Variants in UBE2V1 observed in about 807,000 individuals in gnomAD.
UBE2V1 encodes the protein ubiquitin-conjugating enzyme E2 variant 1.
UBE2V1 carries 15 observed loss-of-function variants against 19.6 expected under a neutral mutation model. That is an observed-to-expected ratio of 0.77 (90% CI 0.51 to 1.18). UBE2V1 has a LOEUF of 1.18. UBE2V1 is among the 50% of genes most tolerant of loss of function. The pLI, the probability that UBE2V1 is intolerant of heterozygous loss-of-function variation, is 0.00. For synonymous variants in UBE2V1, 60 were observed against 60.7 expected, an observed-to-expected ratio of 0.99 and a Z score of 0.05; for missense variants, 125 against 184.8, an observed-to-expected ratio of 0.68 and a Z score of 1.88.
intron 1 of UBE2V1, among the ~76,000 whole-genome samples, chr20:50,110,735 T>G (rs1038785912): frequency 6.6e-6 from 1 of 152,202 alleles, no homozygotes. Context: ...TGGCTTCCCC[T>G]CATACCATCT....
chr20:50,109,604 C>T lies in UBE2V1; in HGVS notation c.22+3503G>A, dbSNP rs149891987. ...TCTCTACTAAAAATACAAAAATTAGCCAGGCGTGGTGGCGCGTGCCTGTGA... is the reference window on the plus strand; with the variant it reads ...TCTCTACTAAAAATACAAAAATTAGTCAGGCGTGGTGGCGCGTGCCTGTGA... On this transcript the variant is annotated intron_variant, in intron 1 of 3. Coordinates refer to ENST00000371674, the MANE Select transcript of UBE2V1 (RefSeq NM_001032288.3). Among the ~76,000 whole-genome samples the T allele has an allele frequency of 2.2e-3, 342 of 152,024 alleles. 3 individuals carry two copies. The highest frequency in any genetic ancestry group is 7.7e-3 in the African/African-American group (320 of 41,454).
chr20:50,099,185 C>G (rs574614032), intron 1 of UBE2V1, among the ~76,000 whole-genome samples: 1 of 150,192 alleles, frequency 6.7e-6, no homozygotes, highest in East Asian at 1.9e-4. Flanking sequence ...GACTGAGGTA[C>G]TTGTTCACAG....
At chr20:50,094,064 TTA>T (rs201405769) in intron 2 of UBE2V1, among the ~76,000 whole-genome samples, 5,110 of 138,648 alleles carry the variant, frequency 0.037, 400 homozygotes, top group African/African-American at 0.13. Context: ...ATTATGTATG[TTA>T]TATATATAAT....
intron 1 of UBE2V1, among the ~76,000 whole-genome samples, chr20:50,112,111 C>T (rs1437714351): frequency 6.6e-6 from 1 of 152,172 alleles, no homozygotes; most frequent in African/African-American, 2.4e-5. Context: ...TGAGCGTCTC[C>T]ACAGAAGAGA....
chr20:50,112,560 T>C (rs1322694057), intron 1 of UBE2V1, among the ~76,000 whole-genome samples: 3 of 152,034 alleles, frequency 2.0e-5, no homozygotes, highest in Non-Finnish European at 4.4e-5. Flanking sequence ...GCTAACCCCA[T>C]CTCTAAAACT....
intron 2 of UBE2V1, among the ~76,000 whole-genome samples, chr20:50,087,872 GCA>G (rs143995782): frequency 9.2e-5 from 14 of 151,934 alleles, no homozygotes; most frequent in Non-Finnish European, 1.2e-4. Context: ...CACTCCTTGG[GCA>G]CACACACACA....
At chr20:50,091,463 G>A (rs6125891) in intron 2 of UBE2V1, among the ~76,000 whole-genome samples, 41,115 of 143,602 alleles carry the variant, frequency 0.29, 5,907 homozygotes, top group Middle Eastern at 0.39. Flanking sequence ...AAGCAGTGGC[G>A]CGATCTCGGC....
chr20:50,109,631 C>T (rs1601157389), intron 1 of UBE2V1, among the ~76,000 whole-genome samples: 1 of 151,832 alleles, frequency 6.6e-6, no homozygotes, highest in African/African-American at 2.4e-5. Context: ...TGCCTGTGAT[C>T]CCAGCTACTC....
intron 1 of UBE2V1, among the ~76,000 whole-genome samples, chr20:50,109,810 G>A (rs550772564): frequency 6.6e-6 from 1 of 151,272 alleles, no homozygotes; most frequent in Non-Finnish European, 1.5e-5. Flanking sequence ...CTCCATCACT[G>A]GAGCAGGCTG....
chr20:50,111,787 C>T (rs1335317286), intron 1 of UBE2V1, among the ~76,000 whole-genome samples: 1 of 152,150 alleles, frequency 6.6e-6, no homozygotes, highest in Non-Finnish European at 1.5e-5. Context: ...TCCCATGGAT[C>T]ACCAATTCCT....
At chr20:50,083,054 C>G in intron 3 of UBE2V1, 140 bp from the exon 4 acceptor site, 4 of 1,355,820 alleles carry the variant, frequency 3.0e-6, no homozygotes, top group Non-Finnish European at 3.9e-6. Context: ...ACCTTACATG[C>G]GGAATACCTA....
chr20:50,115,509 C>G (rs1569034541), upstream of UBE2V1: 1 of 1,590,196 alleles, frequency 6.3e-7, no homozygotes, highest in East Asian at 2.3e-5. Context: ...TTTCTAGGTT[C>G]AAGTCTTCCT....
upstream of UBE2V1, among the ~76,000 whole-genome samples, chr20:50,115,262 T>TC (rs2080977861): frequency 6.6e-6 from 1 of 152,172 alleles, no homozygotes; most frequent in South Asian, 2.1e-4. Context: ...TCCAGCACCA[T>TC]CCCCTCAGGG....
chr20:50,084,011 A>T (rs2078762933), intron 3 of UBE2V1, 118 bp downstream of exon 3: 1 of 1,468,986 alleles, frequency 6.8e-7, no homozygotes. Flanking sequence ...ACAGTGATAC[A>T]GTTTATCAAC....
chr20:50,082,704 GA>G lies in UBE2V1; in HGVS notation c.*63del, dbSNP rs2078692355. ...CGTATCTAGAAAATTTACTACTGTGGAAAATGAAGACTGATTAAATCGAATT... is the reference window on the plus strand; with the variant it reads ...CGTATCTAGAAAATTTACTACTGTGGAAATGAAGACTGATTAAATCGAATT... On this transcript the variant is annotated 3_prime_UTR_variant, in exon 4 of 4. Coordinates refer to ENST00000371674, the MANE Select transcript of UBE2V1 (RefSeq NM_001032288.3). The G allele has an allele frequency of 6.3e-7, 1 of 1,578,488 alleles. No individual in the cohort carries two copies.
chr20:50,103,972 T>C (rs2080178443), intron 1 of UBE2V1, among the ~76,000 whole-genome samples: 1 of 149,712 alleles, frequency 6.7e-6, no homozygotes, highest in African/African-American at 2.5e-5. Flanking sequence ...TATCAATAAA[T>C]GTTTGCTGGT....
At chr20:50,094,233 TATATAATGCATTATATAATATATA>T (rs2079468415) in intron 2 of UBE2V1, among the ~76,000 whole-genome samples, 1 of 137,270 alleles carries the variant, frequency 7.3e-6, no homozygotes, top group African/African-American at 2.7e-5. Flanking sequence ...CATTATATAA[TATATAATGCATTATATAATATATA>T]ATGCATTATA....
At chr20:50,090,125 T>A (rs112194308) in intron 2 of UBE2V1, among the ~76,000 whole-genome samples, 2 of 152,242 alleles carry the variant, frequency 1.3e-5, no homozygotes, top group Non-Finnish European at 2.9e-5. Flanking sequence ...TGTTCTCATA[T>A]TGTGCCTTCT....
At chr20:50,096,641 T>A (rs753640321) in intron 2 of UBE2V1, 31 bp downstream of exon 2, 223 of 1,611,168 alleles carry the variant, frequency 1.4e-4, no homozygotes, top group Non-Finnish European at 1.7e-4. Flanking sequence ...ATTTAAGACA[T>A]TGACATTTAT....
Sources: gnomAD v4.1 joint callset for allele counts (sites outside exome capture counted in the v4.1 genomes callset) on GRCh38, gnomAD v4.1.1 for gene constraint, MANE v1.5 for transcripts, NCBI Gene and HGNC (gene_info 2026-07-23, HGNC 2026-07-21) for gene names.